ATF7IP2: variants seen among roughly 807,000 people sequenced by gnomAD.
ATF7IP2 encodes the protein activating transcription factor 7-interacting protein 2.
In ATF7IP2, 42 loss-of-function variants were observed where a neutral mutation model predicts 64.2. That is an observed-to-expected ratio of 0.65 (90% CI 0.51 to 0.85). The LOEUF (loss-of-function observed/expected upper bound fraction) is 0.85. ATF7IP2 is among the 40% of genes least tolerant of loss of function. The pLI is 0.00. For synonymous variants in ATF7IP2, 308 were observed against 272.8 expected (o/e 1.13, Z -1.27); for missense variants, 933 against 784.2 (o/e 1.19, Z -2.27).
Position 10,457,484 on chromosome 16 carries a change from A to C in ATF7IP2, c.1307A>C (p.Lys436Thr). 1 of 1,597,278 alleles carries C rather than the reference A, an allele frequency of 6.3e-7. No individual in the cohort carries two copies. The highest frequency in any genetic ancestry group is 8.5e-7 in the Non-Finnish European group (1 of 1,174,914). ...TCTAACCCTTCCGAAAAAGGAAGTA[A>C]AAAAATTAATTTGTCATCAGATCAA... ...EPSNPSEKGS[K>T]KINLSSDQNK... The change falls in exon 9 of 14, where the codon AAA becomes ACA. Residue 436 changes from lysine to threonine, a missense_variant. Coordinates refer to ENST00000562102, the MANE Select transcript of ATF7IP2 (RefSeq NM_001393719.1).
intron 1 of ATF7IP2, among the ~76,000 whole-genome samples, chr16:10,393,076 A>G (rs112563890): frequency 0.019 from 2,814 of 152,068 alleles, 76 homozygotes; most frequent in African/African-American, 0.064. Context: ...TTGGGAGGCT[A>G]AGGTGGACGG....
chr16:10,398,985 T>A (rs1466275751), intron 1 of ATF7IP2, among the ~76,000 whole-genome samples: 2 of 152,052 alleles, frequency 1.3e-5, no homozygotes, highest in Non-Finnish European at 2.9e-5. Flanking sequence ...TGGTGGTGCA[T>A]GCCTGTAATC....
chr16:10,416,216 A>T (rs1011156150), intron 2 of ATF7IP2, among the ~76,000 whole-genome samples: 6 of 152,240 alleles, frequency 3.9e-5, no homozygotes, highest in African/African-American at 1.2e-4. Context: ...TCATCAGCAG[A>T]TAAATGGATA....
intron 8 of ATF7IP2, among the ~76,000 whole-genome samples, chr16:10,454,813 G>A (rs1192415442): frequency 6.6e-6 from 1 of 152,048 alleles, no homozygotes; most frequent in African/African-American, 2.4e-5. Context: ...GATTTATAAT[G>A]TTCCTTGTAT....
intron 1 of ATF7IP2, among the ~76,000 whole-genome samples, chr16:10,410,706 A>G (rs2047741995): frequency 6.6e-6 from 1 of 152,316 alleles, no homozygotes; most frequent in East Asian, 1.9e-4. Flanking sequence ...AGAGGAACTG[A>G]GGCCACTGCG....
intron 6 of ATF7IP2, among the ~76,000 whole-genome samples, chr16:10,435,577 G>C (rs1477568015): frequency 6.6e-6 from 1 of 152,176 alleles, no homozygotes; most frequent in African/African-American, 2.4e-5. Context: ...ATTAGAACAA[G>C]TGTATAGTCT....
chr16:10,453,185 G>A (rs1048560966), intron 8 of ATF7IP2, among the ~76,000 whole-genome samples: 1 of 152,212 alleles, frequency 6.6e-6, no homozygotes, highest in Non-Finnish European at 1.5e-5. Context: ...CAGCCACCCA[G>A]CTTTGTGCTT....
Position 10,482,402 on chromosome 16 carries a change from T to C in ATF7IP2, c.*153T>C. The C allele has an allele frequency of 1.7e-6, 1 of 580,534 alleles. No individual in the cohort carries two copies. The highest frequency in any genetic ancestry group is 2.9e-6 in the Non-Finnish European group (1 of 339,150). 36.0% of individuals were successfully genotyped at this position (580,534 alleles called of 1,614,324 possible). ...TCTATATGTTTTAAGTGGCCAGTAA[T>C]TTAATGAATTTCTGGTTTGTATTAA... is the stretch of plus-strand genomic sequence containing the variant. On this transcript the variant is annotated 3_prime_UTR_variant, in exon 14 of 14. Transcript: ENST00000562102.
chr16:10,454,653 G>C (rs754873683), intron 8 of ATF7IP2, among the ~76,000 whole-genome samples: 2 of 151,864 alleles, frequency 1.3e-5, no homozygotes, highest in Non-Finnish European at 2.9e-5. Flanking sequence ...GTTCTTAAGA[G>C]ACCTTTTCTA....
chr16:10,416,738 A>G (rs1389422068), intron 2 of ATF7IP2, among the ~76,000 whole-genome samples: 1 of 152,202 alleles, frequency 6.6e-6, no homozygotes, highest in Admixed American at 6.5e-5. Flanking sequence ...CGGAGGTTGC[A>G]TTGAGCCAAG....
intron 6 of ATF7IP2, among the ~76,000 whole-genome samples, chr16:10,434,843 A>T (rs1002755036): frequency 1.3e-5 from 2 of 152,102 alleles, no homozygotes; most frequent in Non-Finnish European, 2.9e-5. Flanking sequence ...TGTCACCCAG[A>T]CTGGAGTGCA....
chr16:10,474,042 C>A, intron 12 of ATF7IP2, 53 bp downstream of exon 12: 3 of 1,173,046 alleles, frequency 2.6e-6, no homozygotes, highest in Admixed American at 2.0e-5. Context: ...AGGGTAACAA[C>A]TCATAATGCA....
intron 1 of ATF7IP2, among the ~76,000 whole-genome samples, chr16:10,397,648 G>A (rs139086325): frequency 1.4e-4 from 21 of 152,128 alleles, no homozygotes; most frequent in Admixed American, 3.9e-4. Context: ...AGGCCAAAGC[G>A]GGTGAATCGT....
chr16:10,477,596 G>A (rs943635024), intron 12 of ATF7IP2, among the ~76,000 whole-genome samples: 4 of 152,114 alleles, frequency 2.6e-5, no homozygotes, highest in African/African-American at 9.7e-5. Context: ...CACAAGACAG[G>A]GATGCCCTCT....
At chr16:10,463,423 T>C (rs952139782) in intron 9 of ATF7IP2, among the ~76,000 whole-genome samples, 13 of 152,372 alleles carry the variant, frequency 8.5e-5, no homozygotes, top group South Asian at 8.3e-4. Flanking sequence ...TGACATTATT[T>C]TTGTAGGTCA....
chr16:10,407,878 C>G (rs1467661243), intron 1 of ATF7IP2, among the ~76,000 whole-genome samples: 3 of 151,786 alleles, frequency 2.0e-5, no homozygotes, highest in South Asian at 2.1e-4. Flanking sequence ...TGAGAACATG[C>G]AATGTTTGGT....
At chr16:10,390,610 C>A (rs989000077) in intron 1 of ATF7IP2, among the ~76,000 whole-genome samples, 4 of 151,978 alleles carry the variant, frequency 2.6e-5, no homozygotes, top group South Asian at 2.1e-4. Context: ...TACACAGGAC[C>A]CTGTCTCTAC....
chr16:10,400,796 C>G (rs1210693826), intron 1 of ATF7IP2, among the ~76,000 whole-genome samples: 1 of 152,156 alleles, frequency 6.6e-6, no homozygotes, highest in African/African-American at 2.4e-5. Context: ...ATTCTTATGC[C>G]TCAGCCTCCT....
At chr16:10,387,824 T>TCCCCCCCCCCCCCCCCCCCC (rs5815573) in intron 1 of ATF7IP2, 8 of 130,660 alleles carry the variant, frequency 6.1e-5, no homozygotes, top group African/African-American at 9.0e-5. Context: ...TCTATTTTAC[T>TCCCCCCCCCCCCCCCCCCCC]CCCCCCCCCT....
Sources: gnomAD v4.1 joint callset for allele counts (sites outside exome capture counted in the v4.1 genomes callset) on GRCh38, gnomAD v4.1.1 for gene constraint, MANE v1.5 for transcripts, NCBI Gene and HGNC (gene_info 2026-07-23, HGNC 2026-07-21) for gene names.